Variants in LRRTM4 observed in about 807,000 individuals in gnomAD.
The protein encoded by LRRTM4 is leucine-rich repeat transmembrane neuronal protein 4.
In LRRTM4, 25 loss-of-function variants were observed where a neutral mutation model predicts 47.6. The observed-to-expected ratio is 0.53, with a 90% CI of 0.38 to 0.73. LRRTM4 has a LOEUF of 0.73. LRRTM4 is among the 30% of genes least tolerant of loss of function. LRRTM4 has a pLI of 0.00. For synonymous variants in LRRTM4, 311 were observed against 269.5 expected, an observed-to-expected ratio of 1.15 and a Z score of -1.51; for missense variants, 638 against 713.4, an observed-to-expected ratio of 0.89 and a Z score of 1.20.
At chr2:76,822,055 C>T (rs1056350611) in intron 3 of LRRTM4, among the ~76,000 whole-genome samples, 4 of 151,154 alleles carry the variant, frequency 2.6e-5, no homozygotes, top group Non-Finnish European at 5.9e-5. Flanking sequence ...CAAATTGGGC[C>T]CATGAAAATA....
At chr2:76,995,933 T>C (rs1312414101) in intron 3 of LRRTM4, among the ~76,000 whole-genome samples, 2 of 152,222 alleles carry the variant, frequency 1.3e-5, no homozygotes, top group East Asian at 3.9e-4. Context: ...AAGAATACTA[T>C]TTAAAAAACT....
At chr2:77,146,394 A>G (rs988141682) in intron 3 of LRRTM4, among the ~76,000 whole-genome samples, 1 of 152,098 alleles carries the variant, frequency 6.6e-6, no homozygotes, top group African/African-American at 2.4e-5. Flanking sequence ...CTTTAGTTCT[A>G]TGGAGAACAG....
At chr2:76,792,955 C>T (rs145075989) in intron 3 of LRRTM4, among the ~76,000 whole-genome samples, 2 of 152,142 alleles carry the variant, frequency 1.3e-5, no homozygotes, top group African/African-American at 2.4e-5. Flanking sequence ...AGGGTGAATC[C>T]TGTCTCTGTT....
intron 3 of LRRTM4, among the ~76,000 whole-genome samples, chr2:76,891,604 A>G (rs1673257381): frequency 6.6e-6 from 1 of 151,816 alleles, no homozygotes. Flanking sequence ...TAAAAGTAAC[A>G]TTTCAAATCA....
intron 3 of LRRTM4, among the ~76,000 whole-genome samples, chr2:77,175,589 C>A (rs148496018): frequency 2.6e-5 from 4 of 152,144 alleles, no homozygotes; most frequent in Non-Finnish European, 5.9e-5. Context: ...AAATCATGTA[C>A]TTGATGCAAC....
At chr2:77,231,672 C>G (rs1050065903) in intron 3 of LRRTM4, among the ~76,000 whole-genome samples, 2 of 151,736 alleles carry the variant, frequency 1.3e-5, no homozygotes, top group East Asian at 3.9e-4. Context: ...TATTGAGAAC[C>G]CACTGTGTTG....
chr2:77,469,857 C>G (rs1401919509), intron 3 of LRRTM4, among the ~76,000 whole-genome samples: 2 of 152,030 alleles, frequency 1.3e-5, no homozygotes, highest in Admixed American at 6.6e-5. Context: ...CATTTTTATA[C>G]AGATCCTAAG....
intron 3 of LRRTM4, among the ~76,000 whole-genome samples, chr2:77,107,790 T>C (rs58449464): frequency 0.4 from 56,243 of 141,496 alleles, 12,519 homozygotes; most frequent in East Asian, 0.71. Context: ...TGCACTCCAG[T>C]CTGGGCAACA....
chr2:77,334,346 C>G (rs1410204684), intron 3 of LRRTM4, among the ~76,000 whole-genome samples: 3 of 151,940 alleles, frequency 2.0e-5, no homozygotes, highest in Non-Finnish European at 4.4e-5. Context: ...CAGTTTTGTC[C>G]CCACCCAAAT....
chr2:77,113,954 A>G (rs1433066704), intron 3 of LRRTM4, among the ~76,000 whole-genome samples: 2 of 152,038 alleles, frequency 1.3e-5, no homozygotes, highest in Non-Finnish European at 2.9e-5. Context: ...GCTCTTCGGG[A>G]AATAAAATAA....
chr2:77,182,287 T>G (rs1408388340), intron 3 of LRRTM4, among the ~76,000 whole-genome samples: 1 of 152,146 alleles, frequency 6.6e-6, no homozygotes, highest in Non-Finnish European at 1.5e-5. Context: ...TGGATGAAGC[T>G]GGAAGCCATC....
intron 3 of LRRTM4, among the ~76,000 whole-genome samples, chr2:76,925,552 G>A (rs1047258812): frequency 1.3e-5 from 2 of 152,112 alleles, no homozygotes; most frequent in Non-Finnish European, 2.9e-5. Context: ...AAAACTAATA[G>A]ACGTTCTGAT....
At chr2:76,986,853 C>G (rs1676816895) in intron 3 of LRRTM4, among the ~76,000 whole-genome samples, 1 of 151,814 alleles carries the variant, frequency 6.6e-6, no homozygotes, top group African/African-American at 2.4e-5. Flanking sequence ...ATTTTACTTT[C>G]TATTGTATGC....
rs569786547 is a variant in LRRTM4 at position 76,917,919 on chromosome 2, T to C, written c.1552-169003A>G. 1.8e-4 allele frequency among the ~76,000 whole-genome samples: 28 copies of C among 152,248 alleles called. No individual in the cohort carries two copies. The South Asian group carries it at 5.6e-3, about 30-fold the overall frequency. On this transcript the variant is annotated intron_variant, in intron 3 of 3. Transcript: ENST00000409884. ...TCCTATCCCTCTCTTTTTATAGTGG[T>C]ATGGGTATGCTAGGAAGAGAAACAT...
chr2:77,144,722 A>G (rs1438567065), intron 3 of LRRTM4, among the ~76,000 whole-genome samples: 1 of 152,164 alleles, frequency 6.6e-6, no homozygotes, highest in Non-Finnish European at 1.5e-5. Context: ...CTAGCTCCTG[A>G]GCTGTGTGAT....
intron 3 of LRRTM4, among the ~76,000 whole-genome samples, chr2:76,993,486 G>A (rs1478368790): frequency 6.6e-6 from 1 of 151,872 alleles, no homozygotes; most frequent in Non-Finnish European, 1.5e-5. Flanking sequence ...CATACATTTG[G>A]CTTACAAACA....
At chr2:76,872,763 G>T (rs1215801455) in intron 3 of LRRTM4, among the ~76,000 whole-genome samples, 1 of 151,972 alleles carries the variant, frequency 6.6e-6, no homozygotes, top group East Asian at 1.9e-4. Context: ...AGGTGTTTGG[G>T]TCATGGTGCC....
chr2:77,417,832 G>A (rs290006), intron 3 of LRRTM4, among the ~76,000 whole-genome samples: 96,923 of 151,460 alleles, frequency 0.64, 32,043 homozygotes, highest in African/African-American at 0.82. Flanking sequence ...TACTGGGTGC[G>A]GCACACCAAC....
intron 3 of LRRTM4, among the ~76,000 whole-genome samples, chr2:77,133,580 T>C (rs570051845): frequency 4.0e-5 from 6 of 149,890 alleles, no homozygotes; most frequent in Non-Finnish European, 1.5e-5. Flanking sequence ...AGGTTAATGA[T>C]TGAAGGTGTT....
Sources: gnomAD v4.1 joint callset for allele counts (sites outside exome capture counted in the v4.1 genomes callset) on GRCh38, gnomAD v4.1.1 for gene constraint, MANE v1.5 for transcripts, NCBI Gene and HGNC (gene_info 2026-07-23, HGNC 2026-07-21) for gene names.